COL28A1: variants seen among roughly 807,000 people sequenced by gnomAD.
COL28A1 encodes collagen type XXVIII alpha 1 chain, also known as collagen alpha-1(XXVIII) chain.
Under a neutral mutation model 150.2 loss-of-function variants are expected in COL28A1, and 161 were observed. The observed-to-expected ratio is 1.07, with a 90% CI of 0.94 to 1.22. COL28A1 has a LOEUF of 1.22. Among genes scored for constraint, COL28A1 ranks in the 50% most tolerant of loss-of-function variants. The probability of loss-of-function intolerance (pLI) is 0.00; values close to 1 mark genes in which losing one functional copy is unlikely to be tolerated. For synonymous variants in COL28A1, 552 were observed against 469.7 expected, an observed-to-expected ratio of 1.18 and a Z score of -2.26; for missense variants, 1,617 against 1,388.3, an observed-to-expected ratio of 1.16 and a Z score of -2.62.
chr7:7,384,011 G>A (rs892967051), intron 27 of COL28A1, among the ~76,000 whole-genome samples: 1 of 151,914 alleles, frequency 6.6e-6, no homozygotes, highest in Non-Finnish European at 1.5e-5. Flanking sequence ...AACCTCTCAC[G>A]GCACATTGGC....
intron 27 of COL28A1, among the ~76,000 whole-genome samples, chr7:7,407,615 A>C (rs1333664454): frequency 6.6e-6 from 1 of 152,136 alleles, no homozygotes; most frequent in Non-Finnish European, 1.5e-5. Flanking sequence ...TAAGGAGGAA[A>C]AAAAGATACT....
In COL28A1 at chr7:7,456,005, T is replaced by C. The variant is rs1307096796; in HGVS notation, c.1371+39A>G. On this transcript the variant is annotated intron_variant, in intron 16 of 34. Coordinates refer to ENST00000399429, the MANE Select transcript of COL28A1 (RefSeq NM_001037763.3). ...AATGAAGACCAGGATTGGGCTGGAA[T>C]GTTCTGCACTGAAGGGAAAGGAAGA... 3 of 1,610,954 alleles carry C rather than the reference T, an allele frequency of 1.9e-6. No individual in the cohort carries two copies. In the South Asian group the frequency reaches 3.3e-5, roughly 18 times the overall value.
At position 7,509,887 on chromosome 7, in the gene COL28A1, C is replaced by T. The variant is rs75141477; in HGVS notation, c.927+1204G>A. Among the ~76,000 whole-genome samples the T allele has an allele frequency of 7.1e-3, 1,086 of 152,286 alleles. 17 individuals are homozygous for T. The highest frequency in any genetic ancestry group is 0.025 in the African/African-American group (1,023 of 41,566). On this transcript the variant is annotated intron_variant, in intron 9 of 34. Coordinates refer to ENST00000399429, the MANE Select transcript of COL28A1 (RefSeq NM_001037763.3). The stretch of plus-strand genomic sequence containing the variant: ...AGAATCTATTCATTTTCACATTTCC[C>T]ATTTTGACCAGAGATAATTACCAAG...
chr7:7,512,153 G>T (rs1265661732), intron 8 of COL28A1, among the ~76,000 whole-genome samples: 1 of 152,138 alleles, frequency 6.6e-6, no homozygotes, highest in African/African-American at 2.4e-5. Context: ...TTATATGTGA[G>T]ATCTAAAAAA....
At position 7,398,849 on chromosome 7, in the gene COL28A1, A is replaced by C. The variant is rs370532666; in HGVS notation, c.2137-17237T>G. Among the ~76,000 whole-genome samples, 21 of 151,960 alleles carry C rather than the reference A, an allele frequency of 1.4e-4. No homozygotes were observed. In the East Asian group the frequency reaches 2.3e-3, roughly 17 times the overall value. On this transcript the variant is annotated intron_variant, in intron 27 of 34. Transcript: ENST00000399429. Reference sequence around the variant, plus strand: ...ACGATGCAGTCTCCTTGTCCTCCTGAGTGTTTAGTGGTTTGTGTGTTTAGA... The same window carrying C: ...ACGATGCAGTCTCCTTGTCCTCCTGCGTGTTTAGTGGTTTGTGTGTTTAGA...
chr7:7,395,670 G>A (rs1161360228), intron 27 of COL28A1, among the ~76,000 whole-genome samples: 2 of 152,196 alleles, frequency 1.3e-5, no homozygotes, highest in Non-Finnish European at 2.9e-5. Context: ...GCTCTGAGAA[G>A]AGGAAGAATT....
At chr7:7,350,042 C>T in the COL28A1 span, among the ~76,000 whole-genome samples, 4 of 151,998 alleles carry the variant, frequency 2.6e-5, no homozygotes. Flanking sequence ...AAAAGGTTTG[C>T]CCTTTATCTT....
At chr7:7,359,290 C>CA (rs5882121) in intron 34 of COL28A1, among the ~76,000 whole-genome samples, 3 of 145,072 alleles carry the variant, frequency 2.1e-5, no homozygotes, top group Admixed American at 6.8e-5. Flanking sequence ...CTTTAAGTTA[C>CA]AAAAAAAAAA....
At chr7:7,371,411 C>A (rs1781217321) in intron 32 of COL28A1, among the ~76,000 whole-genome samples, 1 of 152,192 alleles carries the variant, frequency 6.6e-6, no homozygotes, top group African/African-American at 2.4e-5. Context: ...TGAAGTAGAA[C>A]CCTAGGTTAG....
rs570285832 is a variant in COL28A1, at chr7:7,427,966, T to A, written c.1998+4507A>T. 7.9e-5 allele frequency among the ~76,000 whole-genome samples: 12 copies of A among 152,160 alleles called. 1 individual carries two copies. Among genetic ancestry groups the A allele is most frequent in the African/African-American group, 2.9e-4 (12 of 41,456 alleles). On this transcript the variant is annotated intron_variant, in intron 25 of 34. Coordinates refer to ENST00000399429, the MANE Select transcript of COL28A1 (RefSeq NM_001037763.3). ...TTAGTTTTTCATTCATTCATCCATA[T>A]CCATAGCCCCTCTCATATACAAAAC... is the stretch of plus-strand genomic sequence containing the variant.
intron 27 of COL28A1, among the ~76,000 whole-genome samples, chr7:7,391,186 T>C (rs1782520960): frequency 6.6e-6 from 1 of 152,218 alleles, no homozygotes; most frequent in Non-Finnish European, 1.5e-5. Context: ...ATCTTTGTTC[T>C]CCTTGGTTTC....
At chr7:7,404,394 T>A (rs1009397848) in intron 27 of COL28A1, among the ~76,000 whole-genome samples, 1 of 152,032 alleles carries the variant, frequency 6.6e-6, no homozygotes, top group African/African-American at 2.4e-5. Flanking sequence ...CATTTCACTC[T>A]GAGGGAAAGC....
At chr7:7,494,962 A>G (rs1264168886) in intron 11 of COL28A1, among the ~76,000 whole-genome samples, 3 of 152,144 alleles carry the variant, frequency 2.0e-5, no homozygotes, top group African/African-American at 7.2e-5. Flanking sequence ...GAGGCTTAAA[A>G]TGGTGTTAAA....
chr7:7,397,180 T>C (rs187830448), intron 27 of COL28A1, among the ~76,000 whole-genome samples: 2 of 152,346 alleles, frequency 1.3e-5, no homozygotes, highest in African/African-American at 4.8e-5. Flanking sequence ...CTCTAGAGGC[T>C]GTAAGAAGAG....
At chr7:7,385,428 G>A (rs1405328402) in intron 27 of COL28A1, among the ~76,000 whole-genome samples, 1 of 152,194 alleles carries the variant, frequency 6.6e-6, no homozygotes, top group African/African-American at 2.4e-5. Context: ...ATAAACAGAG[G>A]AGCTGAGACT....
At chr7:7,458,169 C>A (rs1387290094) in intron 15 of COL28A1, among the ~76,000 whole-genome samples, 2 of 152,160 alleles carry the variant, frequency 1.3e-5, no homozygotes, top group East Asian at 3.8e-4. Context: ...ATAATCCCAG[C>A]ACTTTGGGAG....
intron 33 of COL28A1, among the ~76,000 whole-genome samples, chr7:7,362,485 G>C (rs1023629760): frequency 7.9e-5 from 12 of 152,052 alleles, no homozygotes; most frequent in Admixed American, 7.2e-4. Context: ...CTGTTCTATT[G>C]CTTTTGATTT....
chr7:7,536,560 T>G (rs751081718), upstream of COL28A1, among the ~76,000 whole-genome samples: 1 of 152,130 alleles, frequency 6.6e-6, no homozygotes, highest in Admixed American at 6.6e-5. Flanking sequence ...TTTTCTACCT[T>G]GTGGTTATGG....
rs34289231 is a variant in COL28A1, at chr7:7,368,389, G to GTTTTTTTTTGTTTTT, written c.3066+2335_3066+2336insAAAAACAAAAAAAAA. ...ACTTTAAAGACTCCCTTTGCCTACT[G>GTTTTTTTTTGTTTTT]TTTTTTTTGTTTTTTGCTAGGAATA... On this transcript the variant is annotated intron_variant, in intron 33 of 34. Transcript: ENST00000399429. Among the ~76,000 whole-genome samples, 486 of 150,196 alleles carry GTTTTTTTTTGTTTTT rather than the reference G, an allele frequency of 3.2e-3. 7 individuals are homozygous for GTTTTTTTTTGTTTTT. Among genetic ancestry groups the GTTTTTTTTTGTTTTT allele is most frequent in the African/African-American group, 0.011 (463 of 40,308 alleles).
Sources: allele counts gnomAD v4.1 joint callset (sites outside exome capture counted in the v4.1 genomes callset), GRCh38; gene constraint gnomAD v4.1.1; transcripts MANE v1.5; gene names NCBI Gene and HGNC (gene_info 2026-07-23, HGNC 2026-07-21).